PTER: variants seen among roughly 807,000 people sequenced by gnomAD.
The protein encoded by PTER is N-acetyltaurine hydrolase.
In PTER, 38 loss-of-function variants were observed where a neutral mutation model predicts 29.6. That is an observed-to-expected ratio of 1.28 (90% CI 0.99 to 1.68). The LOEUF (loss-of-function observed/expected upper bound fraction) is 1.68, where lower values mean the gene tolerates loss of function less well. PTER is among the 40% of genes most tolerant of loss of function. The pLI, the probability that PTER is intolerant of heterozygous loss-of-function variation, is 0.00. For missense variants in PTER, 482 were observed against 427.8 expected (o/e 1.13, Z -1.12); for synonymous variants, 172 against 154.5 (o/e 1.11, Z -0.84).
At chr10:16,451,711 C>G (rs1834215889) in intron 1 of PTER, among the ~76,000 whole-genome samples, 2 of 152,010 alleles carry the variant, frequency 1.3e-5, no homozygotes, top group African/African-American at 2.4e-5. Flanking sequence ...GACTCCATCT[C>G]AAAAGTAAAT....
At chr10:16,501,342 C>G (rs1158203550) in intron 3 of PTER, among the ~76,000 whole-genome samples, 3 of 108,432 alleles carry the variant, frequency 2.8e-5, no homozygotes, top group African/African-American at 1.1e-4. Flanking sequence ...CACACACACA[C>G]ACACACACAC....
chr10:16,470,079 GTGTA>G (rs1834990700), intron 1 of PTER, among the ~76,000 whole-genome samples: 1 of 152,166 alleles, frequency 6.6e-6, no homozygotes, highest in Non-Finnish European at 1.5e-5. Context: ...TAGCAGAACT[GTGTA>G]TGAAGTGCTG....
downstream of PTER, chr10:16,514,083 G>A (rs746880856): frequency 3.6e-4 from 136 of 377,030 alleles, 1 homozygote; most frequent in Non-Finnish European, 5.3e-4. Flanking sequence ...TCTCCTGCAG[G>A]GCAAAAATCA....
intron 1 of PTER, among the ~76,000 whole-genome samples, chr10:16,452,387 C>T (rs1199095618): frequency 6.6e-6 from 1 of 151,030 alleles, no homozygotes; most frequent in Non-Finnish European, 1.5e-5. Flanking sequence ...ACCTGCATCT[C>T]TCAGGCTCAA....
At chr10:16,475,678 A>C (rs1835234355) in intron 1 of PTER, among the ~76,000 whole-genome samples, 1 of 152,198 alleles carries the variant, frequency 6.6e-6, no homozygotes, top group Admixed American at 6.5e-5. Flanking sequence ...CCACTGTAGG[A>C]AGCACATTCA....
intron 1 of PTER, among the ~76,000 whole-genome samples, chr10:16,444,088 G>A (rs990206534): frequency 1.3e-5 from 2 of 148,270 alleles, no homozygotes; most frequent in Non-Finnish European, 3.0e-5. Flanking sequence ...TGCAACCTCT[G>A]CCTCCCGAAT....
chr10:16,466,858 A>G (rs1162389346), intron 1 of PTER, among the ~76,000 whole-genome samples: 2 of 152,260 alleles, frequency 1.3e-5, no homozygotes, highest in African/African-American at 4.8e-5. Context: ...CGGCCTTAGC[A>G]AGAAATTCCT....
At chr10:16,498,955 G>A (rs571418363) in intron 3 of PTER, among the ~76,000 whole-genome samples, 11 of 152,284 alleles carry the variant, frequency 7.2e-5, no homozygotes, top group Non-Finnish European at 8.8e-5. Context: ...CACTACGATG[G>A]TGAGTGTGTC....
At chr10:16,447,835 T>C (rs1415325666) in intron 1 of PTER, among the ~76,000 whole-genome samples, 2 of 152,166 alleles carry the variant, frequency 1.3e-5, no homozygotes, top group Admixed American at 6.5e-5. Flanking sequence ...CATGATACCA[T>C]TGGTGCAGGC....
chr10:16,466,510 C>A (rs571856843), intron 1 of PTER, among the ~76,000 whole-genome samples: 1 of 152,162 alleles, frequency 6.6e-6, no homozygotes, highest in Non-Finnish European at 1.5e-5. Flanking sequence ...CATGGGCCAC[C>A]ACGCCCAGCT....
chr10:16,457,299 G>A (rs1342443407), intron 1 of PTER, among the ~76,000 whole-genome samples: 4 of 151,872 alleles, frequency 2.6e-5, no homozygotes, highest in Non-Finnish European at 5.9e-5. Context: ...TGCAAGCTCC[G>A]CCTCCCGGGT....
rs117424363 is a variant in PTER at position 16,494,099 on chromosome 10, A to G, written c.698+7482A>G. On this transcript the variant is annotated intron_variant, in intron 3 of 4. Transcript: ENST00000535784. The stretch of plus-strand genomic sequence containing the variant: ...GAGATTTATCTTCACTCTCCTCAAT[A>G]CCGTCATTCCCTGAACCGTGTATCG... 5.6e-3 allele frequency among the ~76,000 whole-genome samples: 859 copies of G among 152,288 alleles called. 5 individuals carry two copies. Among genetic ancestry groups the G allele is most frequent in the Non-Finnish European group, 9.1e-3 (617 of 68,024 alleles).
At chr10:16,485,756 A>G (rs59283418) in intron 2 of PTER, among the ~76,000 whole-genome samples, 166 of 152,274 alleles carry the variant, frequency 1.1e-3, no homozygotes, top group African/African-American at 3.9e-3. Context: ...TGAATTTTCT[A>G]TGCTGTCTAT....
At chr10:16,471,148 C>A (rs1835037682) in intron 1 of PTER, among the ~76,000 whole-genome samples, 1 of 152,174 alleles carries the variant, frequency 6.6e-6, no homozygotes, top group Non-Finnish European at 1.5e-5. Context: ...TAAAATGAAC[C>A]ATAGCACTAG....
chr10:16,501,503 T>C (rs1836349533), intron 3 of PTER, among the ~76,000 whole-genome samples: 4 of 152,182 alleles, frequency 2.6e-5, no homozygotes, highest in African/African-American at 9.7e-5. Flanking sequence ...TTACTATATA[T>C]AGTTACCCTC....
At chr10:16,454,279 A>G (rs985936588) in intron 1 of PTER, among the ~76,000 whole-genome samples, 17 of 152,164 alleles carry the variant, frequency 1.1e-4, no homozygotes, top group African/African-American at 4.1e-4. Context: ...ATTCGTATAA[A>G]TACAAAATTA....
intron 1 of PTER, among the ~76,000 whole-genome samples, chr10:16,468,703 A>G (rs1171051166): frequency 1.3e-5 from 2 of 152,158 alleles, no homozygotes; most frequent in African/African-American, 4.8e-5. Flanking sequence ...AGCTAGGTGC[A>G]ATGGCTCATG....
intron 1 of PTER, among the ~76,000 whole-genome samples, chr10:16,447,204 G>A (rs552565674): frequency 2.0e-5 from 3 of 149,050 alleles, no homozygotes; most frequent in South Asian, 4.3e-4. Context: ...GGGCTCAAGC[G>A]ATCCTCCCAC....
chr10:16,482,927 A>G (rs1835534032), intron 1 of PTER, among the ~76,000 whole-genome samples: 1 of 152,014 alleles, frequency 6.6e-6, no homozygotes, highest in Non-Finnish European at 1.5e-5. Flanking sequence ...GATTACAGGC[A>G]CGCTCCACCA....
Sources: allele counts gnomAD v4.1 joint callset (sites outside exome capture counted in the v4.1 genomes callset), GRCh38; gene constraint gnomAD v4.1.1; transcripts MANE v1.5; gene names NCBI Gene and HGNC (gene_info 2026-07-23, HGNC 2026-07-21).